SAMD5: variants seen among roughly 807,000 people sequenced by gnomAD.
The protein encoded by SAMD5 is sterile alpha motif domain containing 5.
A neutral mutation model predicts 11.3 loss-of-function variants in SAMD5; 13 were observed. The ratio of observed to expected loss-of-function variants is 1.15; its 90% CI spans 0.75 to 1.83. The LOEUF (loss-of-function observed/expected upper bound fraction) is 1.83. SAMD5 is among the 40% of genes most tolerant of loss of function. The probability of loss-of-function intolerance (pLI) is 0.00; values close to 1 mark genes in which losing one functional copy is unlikely to be tolerated. For synonymous variants in SAMD5, 129 were observed against 111.3 expected (o/e 1.16, Z -1.00); for missense variants, 255 against 239.1 (o/e 1.07, Z -0.44).
At chr6:147,937,846 G>C in the SAMD5 span, among the ~76,000 whole-genome samples, 2 of 151,842 alleles carry the variant, frequency 1.3e-5, no homozygotes, top group Non-Finnish European at 2.9e-5. Context: ...CTTATCTCAG[G>C]TGCTTGCCTT....
At chr6:147,922,466 A>T in the SAMD5 span, among the ~76,000 whole-genome samples, 2 of 152,288 alleles carry the variant, frequency 1.3e-5, 1 homozygote, top group South Asian at 4.1e-4. Context: ...TTTAAATCTT[A>T]AGGTGGCTCT....
intron 1 of SAMD5, among the ~76,000 whole-genome samples, chr6:147,614,291 A>T (rs1185768197): frequency 7.3e-5 from 11 of 151,686 alleles, no homozygotes; most frequent in Non-Finnish European, 1.2e-4. Flanking sequence ...AACATGGTGA[A>T]ACCCTGTCTC....
the SAMD5 span, among the ~76,000 whole-genome samples, chr6:147,857,990 T>C: frequency 1.3e-5 from 2 of 152,132 alleles, no homozygotes; most frequent in African/African-American, 4.8e-5. Flanking sequence ...TGTCAGAATA[T>C]CATCATATAT....
chr6:147,798,954 A>G, the SAMD5 span, among the ~76,000 whole-genome samples: 1 of 152,074 alleles, frequency 6.6e-6, no homozygotes, highest in African/African-American at 2.4e-5. Flanking sequence ...TTTTGAGCCT[A>G]TGTGTGTCTC....
chr6:147,940,515 A>G, the SAMD5 span, among the ~76,000 whole-genome samples: 864 of 152,294 alleles, frequency 5.7e-3, 7 homozygotes, highest in African/African-American at 0.02. Flanking sequence ...CCACTATTCT[A>G]TCATGAAGGA....
chr6:147,750,020 A>G, the SAMD5 span, among the ~76,000 whole-genome samples: 21 of 152,146 alleles, frequency 1.4e-4, no homozygotes, highest in Middle Eastern at 3.2e-3. Context: ...CACACCCCTC[A>G]TGAGCCAGAA....
At chr6:147,852,186 A>G in the SAMD5 span, among the ~76,000 whole-genome samples, 1 of 152,194 alleles carries the variant, frequency 6.6e-6, no homozygotes, top group Non-Finnish European at 1.5e-5. Context: ...ATTACTTGAT[A>G]TACAAGTATT....
chr6:147,773,383 A>C, the SAMD5 span, among the ~76,000 whole-genome samples: 1 of 152,158 alleles, frequency 6.6e-6, no homozygotes, highest in Non-Finnish European at 1.5e-5. Flanking sequence ...CAGTTCACTC[A>C]TCTGTACAGA....
intron 1 of SAMD5, among the ~76,000 whole-genome samples, chr6:147,593,575 A>G (rs6930819): frequency 0.056 from 8,470 of 152,274 alleles, 691 homozygotes; most frequent in African/African-American, 0.18. Flanking sequence ...AGTATTAGTC[A>G]CTTGCAATTG....
the SAMD5 span, among the ~76,000 whole-genome samples, chr6:147,811,564 G>A: frequency 5.9e-5 from 9 of 152,102 alleles, no homozygotes; most frequent in South Asian, 1.2e-3. Context: ...GAGGCTTCCA[G>A]GGCACAACAA....
the SAMD5 span, among the ~76,000 whole-genome samples, chr6:147,838,942 G>T: frequency 6.6e-6 from 1 of 152,196 alleles, no homozygotes; most frequent in Non-Finnish European, 1.5e-5. Context: ...TGGGGTCAAA[G>T]GCAAGGCCAT....
chr6:147,657,191 A>G (rs1200198291), intron 1 of SAMD5, among the ~76,000 whole-genome samples: 1 of 152,196 alleles, frequency 6.6e-6, no homozygotes, highest in African/African-American at 2.4e-5. Context: ...TGAAACAAGG[A>G]AAAATTAGAA....
the SAMD5 span, among the ~76,000 whole-genome samples, chr6:147,909,847 C>T: frequency 6.6e-6 from 1 of 151,980 alleles, no homozygotes; most frequent in African/African-American, 2.4e-5. Context: ...GAATCACAGG[C>T]CTCCCAGGAA....
At chr6:147,561,335 G>A (rs983322248) in intron 1 of SAMD5, among the ~76,000 whole-genome samples, 5 of 152,016 alleles carry the variant, frequency 3.3e-5, no homozygotes, top group Admixed American at 2.6e-4. Flanking sequence ...CTACAGGCAC[G>A]TGCCACCACG....
intron 1 of SAMD5, among the ~76,000 whole-genome samples, chr6:147,621,903 T>A (rs533587151): frequency 1.3e-5 from 2 of 152,314 alleles, no homozygotes; most frequent in South Asian, 4.1e-4. Flanking sequence ...ATCAGATGCA[T>A]CTGGACTGTT....
the SAMD5 span, among the ~76,000 whole-genome samples, chr6:147,760,405 G>T: frequency 6.6e-6 from 1 of 152,000 alleles, no homozygotes; most frequent in African/African-American, 2.4e-5. Flanking sequence ...CCCATTATTT[G>T]GTAAGGTAGT....
the SAMD5 span, among the ~76,000 whole-genome samples, chr6:147,877,847 T>TAAAC: frequency 8.8e-6 from 1 of 113,128 alleles, no homozygotes; most frequent in African/African-American, 3.4e-5. Flanking sequence ...TTTATATAAA[T>TAAAC]ACACACACAC....
At chr6:147,923,754 A>G in the SAMD5 span, among the ~76,000 whole-genome samples, 1 of 152,150 alleles carries the variant, frequency 6.6e-6, no homozygotes, top group East Asian at 1.9e-4. Context: ...CTCAAAGTAA[A>G]TCTCTAGGTT....
At chr6:147,526,525 A>G (rs1023185792) in intron 1 of SAMD5, among the ~76,000 whole-genome samples, 1 of 152,214 alleles carries the variant, frequency 6.6e-6, no homozygotes, top group Non-Finnish European at 1.5e-5. Context: ...GGAGAGAACT[A>G]TTCATTTTGA....
Sources: allele counts gnomAD v4.1 joint callset (sites outside exome capture counted in the v4.1 genomes callset), GRCh38; gene constraint gnomAD v4.1.1; transcripts MANE v1.5; gene names NCBI Gene and HGNC (gene_info 2026-07-23, HGNC 2026-07-21).